Variants in SESN1 observed in about 807,000 individuals in gnomAD.
The protein encoded by SESN1 is sestrin 1, also known as sestrin-1.
A neutral mutation model predicts 59.3 loss-of-function variants in SESN1; 30 were observed. The observed-to-expected ratio is 0.51, with a 90% CI of 0.38 to 0.69. SESN1 has a LOEUF of 0.69. Among genes scored for constraint, SESN1 ranks in the 30% least tolerant of loss-of-function variants. SESN1 has a pLI of 0.00. For synonymous variants in SESN1, 197 were observed against 219.9 expected, an observed-to-expected ratio of 0.90 and a Z score of 0.92; for missense variants, 566 against 673.0, an observed-to-expected ratio of 0.84 and a Z score of 1.76.
intron 1 of SESN1, among the ~76,000 whole-genome samples, chr6:109,041,087 G>A (rs1780333438): frequency 6.6e-6 from 1 of 151,568 alleles, no homozygotes; most frequent in African/African-American, 2.4e-5. Flanking sequence ...ATTAGCATGA[G>A]CCCAGGAGTT....
intron 5 of SESN1, among the ~76,000 whole-genome samples, chr6:108,995,280 A>T (rs1779481624): frequency 6.6e-6 from 1 of 152,222 alleles, no homozygotes. Context: ...TAAGATACAC[A>T]AAGTATAAGT....
chr6:108,994,368 ATATT>A, intron 6 of SESN1, 90 bp downstream of exon 6: 1 of 1,004,068 alleles, frequency 1.0e-6, no homozygotes, highest in East Asian at 2.5e-5. Flanking sequence ...AAGGAAGGAC[ATATT>A]TAGATTGATG....
chr6:109,025,910 T>C (rs971366569), intron 1 of SESN1, among the ~76,000 whole-genome samples: 1 of 151,034 alleles, frequency 6.6e-6, no homozygotes, highest in Non-Finnish European at 1.5e-5. Context: ...TAAGACACGA[T>C]GGTTAAGGAT....
At chr6:109,058,235 C>A (rs1309224260) in intron 1 of SESN1, among the ~76,000 whole-genome samples, 1 of 152,122 alleles carries the variant, frequency 6.6e-6, no homozygotes, top group Non-Finnish European at 1.5e-5. Flanking sequence ...CAGGCACACA[C>A]CACCACACAG....
intron 4 of SESN1, 43 bp downstream of exon 4, chr6:109,000,448 A>C: frequency 7.2e-7 from 1 of 1,384,274 alleles, no homozygotes; most frequent in Non-Finnish European, 9.5e-7. Flanking sequence ...CTGCTCTAAA[A>C]AAGTCTGAAA....
intron 1 of SESN1, among the ~76,000 whole-genome samples, chr6:109,023,772 T>G (rs76201299): frequency 0.092 from 14,016 of 152,232 alleles, 867 homozygotes; most frequent in Middle Eastern, 0.19. Flanking sequence ...CCATTTGGCA[T>G]AAACAAAATG....
chr6:109,085,665 T>A (rs1409608193), intron 1 of SESN1, among the ~76,000 whole-genome samples: 1 of 152,226 alleles, frequency 6.6e-6, no homozygotes. Context: ...TCTCACTTAA[T>A]GTAGTAAATG....
chr6:108,997,426 G>C (rs1024023791), intron 5 of SESN1, among the ~76,000 whole-genome samples: 1 of 152,084 alleles, frequency 6.6e-6, no homozygotes, highest in African/African-American at 2.4e-5. Context: ...CATGAATCTA[G>C]GCAGCTCAAA....
At chr6:109,027,951 T>G (rs1780121739) in intron 1 of SESN1, among the ~76,000 whole-genome samples, 1 of 152,206 alleles carries the variant, frequency 6.6e-6, no homozygotes, top group Non-Finnish European at 1.5e-5. Flanking sequence ...TTCTTTATAT[T>G]ATTTTGAATA....
At chr6:109,009,239 G>T in intron 1 of SESN1, 1 of 987,426 alleles carries the variant, frequency 1.0e-6, no homozygotes, top group Non-Finnish European at 1.3e-6. Flanking sequence ...GAGCGTTTTC[G>T]GATGCTGACC....
intron 5 of SESN1, among the ~76,000 whole-genome samples, chr6:108,995,759 G>A (rs577077333): frequency 3.3e-5 from 5 of 152,116 alleles, no homozygotes; most frequent in Admixed American, 3.3e-4. Context: ...ATTCCAGCCT[G>A]GACAACAGAG....
chr6:109,017,979 C>T (rs80163466), intron 1 of SESN1, among the ~76,000 whole-genome samples: 5 of 152,238 alleles, frequency 3.3e-5, no homozygotes, highest in Non-Finnish European at 7.4e-5. Context: ...CTAGCCTGGG[C>T]AACATGGCGA....
chr6:109,063,448 G>A (rs1350662233), intron 1 of SESN1, among the ~76,000 whole-genome samples: 2 of 152,114 alleles, frequency 1.3e-5, no homozygotes, highest in African/African-American at 2.4e-5. Flanking sequence ...TGGGACCAGA[G>A]GGGATAGAGA....
chr6:109,031,325 G>A (rs1214551108), intron 1 of SESN1, among the ~76,000 whole-genome samples: 1 of 152,204 alleles, frequency 6.6e-6, no homozygotes, highest in Admixed American at 6.5e-5. Context: ...AGTGAAAGCA[G>A]TGACTGTGCA....
At chr6:109,075,125 C>A (rs188840249) in intron 1 of SESN1, among the ~76,000 whole-genome samples, 67 of 152,246 alleles carry the variant, frequency 4.4e-4, no homozygotes, top group African/African-American at 1.6e-3. Flanking sequence ...TGGACTCATA[C>A]TATCACTAGC....
intron 5 of SESN1, among the ~76,000 whole-genome samples, chr6:108,996,140 T>C (rs540493249): frequency 1.7e-4 from 26 of 152,370 alleles, no homozygotes; most frequent in Admixed American, 3.3e-4. Context: ...AAGCCTAGCA[T>C]AGTACCTGGT....
chr6:108,988,575 T>C lies in SESN1; in HGVS notation c.1537A>G (p.Ser513Gly). Residue 513 changes from serine to glycine, a missense_variant, in exon 9 of 10, where the codon AGC becomes GGC. Physicochemically the swap from Ser to Gly is moderately conservative, Grantham distance 56 (BLOSUM62 0). Coordinates refer to ENST00000436639, the MANE Select transcript of SESN1 (RefSeq NM_014454.3). ...PEKVTKRMYD[S>G]FWRQFKHSEK... ...GAGTGCTTGAACTGCCTCCAGAAGC[T>C]ATCATACATTCTTTTGGTAACCTTT... 1.2e-6 allele frequency: 2 copies of C among 1,612,812 alleles called. No homozygotes were observed. Among genetic ancestry groups the C allele is most frequent in the East Asian group, 2.2e-5 (1 of 44,834 alleles).
At chr6:109,064,477 C>T (rs1206981236) in intron 1 of SESN1, among the ~76,000 whole-genome samples, 1 of 147,388 alleles carries the variant, frequency 6.8e-6, no homozygotes, top group Non-Finnish European at 1.5e-5. Flanking sequence ...TGCTTTAGAA[C>T]AAAAGGAAGA....
chr6:109,013,703 A>C (rs1779893507), intron 1 of SESN1, among the ~76,000 whole-genome samples: 1 of 152,266 alleles, frequency 6.6e-6, no homozygotes, highest in Admixed American at 6.5e-5. Context: ...TAATGGTTTT[A>C]GCCATTAAAC....
Sources: allele counts gnomAD v4.1 joint callset (sites outside exome capture counted in the v4.1 genomes callset), GRCh38; gene constraint gnomAD v4.1.1; transcripts MANE v1.5; gene names NCBI Gene and HGNC (gene_info 2026-07-23, HGNC 2026-07-21).